Variants in BBS7 observed in about 807,000 individuals in gnomAD.
BBS7 encodes the protein Bardet-Biedl syndrome 7.
BBS7 carries 50 observed loss-of-function variants against 90.3 expected under a neutral mutation model. That is an observed-to-expected ratio of 0.55 (90% CI 0.44 to 0.70). The LOEUF is 0.70. Among genes scored for constraint, BBS7 ranks in the 30% least tolerant of loss-of-function variants. The pLI is 0.00. For synonymous variants in BBS7, 235 were observed against 287.4 expected, an observed-to-expected ratio of 0.82 and a Z score of 1.85; for missense variants, 729 against 838.9, an observed-to-expected ratio of 0.87 and a Z score of 1.62.
At chr4:121,834,523 A>G (rs1359807982) in intron 14 of BBS7, among the ~76,000 whole-genome samples, 1 of 152,146 alleles carries the variant, frequency 6.6e-6, no homozygotes, top group Non-Finnish European at 1.5e-5. Context: ...AAGTTACTTA[A>G]CTTTTCTAAG....
intron 10 of BBS7, among the ~76,000 whole-genome samples, chr4:121,846,340 G>A (rs1156569153): frequency 1.3e-5 from 2 of 152,138 alleles, no homozygotes; most frequent in Non-Finnish European, 2.9e-5. Flanking sequence ...ACAACATGAG[G>A]CTTAACTAGC....
At chr4:121,826,440 T>C (rs760831345) in intron 18 of BBS7, among the ~76,000 whole-genome samples, 6 of 152,240 alleles carry the variant, frequency 3.9e-5, no homozygotes, top group Non-Finnish European at 8.8e-5. Flanking sequence ...GGTTCAAAGA[T>C]CTGGGCAAAT....
intron 13 of BBS7, 40 bp from the exon 14 acceptor site, chr4:121,835,323 A>G: frequency 6.2e-7 from 1 of 1,608,940 alleles, no homozygotes; most frequent in Non-Finnish European, 8.5e-7. Context: ...AAGAATATTT[A>G]GCAACAAAAC....
chr4:121,839,291 G>A (rs1725609471), intron 13 of BBS7, among the ~76,000 whole-genome samples: 1 of 152,126 alleles, frequency 6.6e-6, no homozygotes, highest in South Asian at 2.1e-4. Flanking sequence ...TTTAGGCCGG[G>A]CATGGTGGCT....
intron 13 of BBS7, among the ~76,000 whole-genome samples, chr4:121,836,329 C>T (rs980806086): frequency 2.6e-5 from 4 of 152,146 alleles, no homozygotes; most frequent in African/African-American, 9.7e-5. Context: ...TCTCCTATTA[C>T]CATCACCTCC....
In BBS7 at chr4:121,863,513, T is replaced by C. The variant is rs971656539; in HGVS notation, c.103-234A>G. Among the ~76,000 whole-genome samples, 3 of 152,268 alleles carry C rather than the reference T, an allele frequency of 2.0e-5. No homozygotes were observed. In the South Asian group the frequency reaches 6.2e-4, roughly 32 times the overall value. On this transcript the variant is annotated intron_variant, in intron 2 of 18. Transcript: ENST00000264499. Reference sequence around the variant, plus strand: ...ATAGATTTTGTTCCTATAATGTTAATAGGACAACACAATATATTTTGTTTT... The same window carrying C: ...ATAGATTTTGTTCCTATAATGTTAACAGGACAACACAATATATTTTGTTTT...
At chr4:121,835,315 G>A (rs1327862593) in intron 13 of BBS7, 32 bp from the exon 14 acceptor site, 1 of 1,611,184 alleles carries the variant, frequency 6.2e-7, no homozygotes, top group Non-Finnish European at 8.5e-7. Context: ...AATAAAATAA[G>A]AATATTTAGC....
At chr4:121,841,648 T>C (rs868805934) in intron 12 of BBS7, among the ~76,000 whole-genome samples, 1 of 152,186 alleles carries the variant, frequency 6.6e-6, no homozygotes, top group Non-Finnish European at 1.5e-5. Context: ...TCTACTTTTG[T>C]GTATACTTGA....
Position 121,843,955 on chromosome 4 carries a change from A to C in BBS7, c.1277T>G (p.Val426Gly). 1 of 1,602,888 alleles carries C rather than the reference A, an allele frequency of 6.2e-7. No individual in the cohort carries two copies. The highest frequency in any genetic ancestry group is 8.5e-7 in the Non-Finnish European group (1 of 1,172,678). The change falls in exon 12 of 19, where the codon GTT (valine) becomes GGT (glycine). Residue 426 changes from valine (V) to glycine (G), a missense_variant. Transcript: ENST00000264499. ...AGAATCACAGCTGCTAAAGCTAACAACAGCAGAATTTTTATCCACATCAAG... is the reference window on the plus strand; with the variant it reads ...AGAATCACAGCTGCTAAAGCTAACACCAGCAGAATTTTTATCCACATCAAG... The part of the protein sequence containing the change: ...DLLDVDKNSA[V>G]VSFSSCDSES...
At chr4:121,832,222 T>G (rs1725228995) in intron 15 of BBS7, among the ~76,000 whole-genome samples, 1 of 152,064 alleles carries the variant, frequency 6.6e-6, no homozygotes, top group Admixed American at 6.6e-5. Context: ...ATGCCTGTGG[T>G]CCCAGCTACT....
chr4:121,866,473 C>G (rs1727280526), intron 2 of BBS7, among the ~76,000 whole-genome samples: 1 of 152,054 alleles, frequency 6.6e-6, no homozygotes, highest in African/African-American at 2.4e-5. Flanking sequence ...CCATGTTGGC[C>G]AGGCTGGTCT....
chr4:121,840,625 A>T (rs1322875075), intron 12 of BBS7, among the ~76,000 whole-genome samples: 1 of 152,194 alleles, frequency 6.6e-6, no homozygotes, highest in Non-Finnish European at 1.5e-5. Flanking sequence ...AACTACTAGA[A>T]ATAGAGAAAT....
rs1377433025 is a variant in BBS7, at chr4:121,847,393, C to T, written c.1037+11G>A. ...GATTTTTAAAAAAGCAAATAAAAAA[C>T]TCAAAGTTACCGTAAGGAAGAAATT... is the stretch of plus-strand genomic sequence containing the variant. On this transcript the variant is annotated intron_variant, in intron 10 of 18. Coordinates refer to ENST00000264499, the MANE Select transcript of BBS7 (RefSeq NM_176824.3). 1.9e-6 allele frequency: 3 copies of T among 1,579,894 alleles called. No individual in the cohort carries two copies. Among genetic ancestry groups the T allele is most frequent in the Admixed American group, 3.3e-5 (2 of 59,904 alleles).
chr4:121,868,067 C>A, intron 1 of BBS7, 21 bp from the exon 2 acceptor site: 1 of 1,594,646 alleles, frequency 6.3e-7, no homozygotes, highest in Non-Finnish European at 8.6e-7. Flanking sequence ...ACACCAGATG[C>A]CTAGTGAATT....
At chr4:121,867,805 G>C (rs1727368874) in intron 2 of BBS7, among the ~76,000 whole-genome samples, 176 bp downstream of exon 2, 1 of 152,094 alleles carries the variant, frequency 6.6e-6, no homozygotes, top group African/African-American at 2.4e-5. Flanking sequence ...TAATGTCCAA[G>C]AAAATTATTG....
chr4:121,870,343 C>A lies in BBS7; in HGVS notation c.-30G>T. On this transcript the variant is annotated 5_prime_UTR_variant, in exon 1 of 19. Transcript: ENST00000264499. Reference sequence around the variant, plus strand: ...ACTACGCGGAGGGGCTAAGCAGCGCCGGACAAGAACAGGAGGGACAGAGGC... The same window carrying A: ...ACTACGCGGAGGGGCTAAGCAGCGCAGGACAAGAACAGGAGGGACAGAGGC... 1 of 1,613,950 alleles carries A rather than the reference C, an allele frequency of 6.2e-7. No individual in the cohort carries two copies. The highest frequency in any genetic ancestry group is 1.3e-5 in the African/African-American group (1 of 75,038).
At chr4:121,837,694 T>C (rs1725523300) in intron 13 of BBS7, among the ~76,000 whole-genome samples, 1 of 152,140 alleles carries the variant, frequency 6.6e-6, no homozygotes, top group Non-Finnish European at 1.5e-5. Context: ...TATGGTATGT[T>C]TTATCATATG....
At chr4:121,867,182 T>A (rs1002451597) in intron 2 of BBS7, among the ~76,000 whole-genome samples, 2 of 152,146 alleles carry the variant, frequency 1.3e-5, no homozygotes, top group Admixed American at 6.5e-5. Flanking sequence ...TTATCTTTTA[T>A]CTATTATAAT....
chr4:121,828,237 A>T lies in BBS7; in HGVS notation c.1923T>A (p.Phe641Leu), dbSNP rs748634596. 2.5e-6 allele frequency: 4 copies of T among 1,613,700 alleles called. No individual in the cohort carries two copies. The highest frequency in any genetic ancestry group is 1.7e-5 in the Admixed American group (1 of 59,990). ...ELQIHEGNTN[F>L]LIPEYHCILE... ...GAATACAGTGATATTCTGGTATCAG[A>T]AAGTTCGTATTTCCCTCATGAATCT... Residue 641 changes from phenylalanine (F) to leucine (L), a missense_variant, in exon 18 of 19, where the codon TTT becomes TTA. Transcript: ENST00000264499.
Sources: gnomAD v4.1 joint callset for allele counts (sites outside exome capture counted in the v4.1 genomes callset) on GRCh38, gnomAD v4.1.1 for gene constraint, MANE v1.5 for transcripts, NCBI Gene and HGNC (gene_info 2026-07-23, HGNC 2026-07-21) for gene names.